NRG3: variants seen among roughly 807,000 people sequenced by gnomAD.
The protein encoded by NRG3 is pro-neuregulin-3, membrane-bound isoform.
In NRG3, 31 loss-of-function variants were observed where a neutral mutation model predicts 66.9. The observed-to-expected ratio is 0.46, with a 90% CI of 0.35 to 0.63. The LOEUF (loss-of-function observed/expected upper bound fraction) is 0.63, where lower values mean the gene tolerates loss of function less well. Ranked by LOEUF, NRG3 falls within the 20% of genes least tolerant of loss-of-function variation. The pLI is 0.00. For missense variants in NRG3, 910 were observed against 878.9 expected (o/e 1.04, Z -0.45); for synonymous variants, 393 against 359.4 (o/e 1.09, Z -1.06).
intron 3 of NRG3, among the ~76,000 whole-genome samples, chr10:82,779,601 C>G (rs2060038378): frequency 1.3e-5 from 2 of 152,046 alleles, no homozygotes; most frequent in South Asian, 4.1e-4. Flanking sequence ...TTGCTAATTC[C>G]TTGTGACATA....
chr10:82,020,616 A>C (rs2062016756), intron 1 of NRG3, among the ~76,000 whole-genome samples: 1 of 152,088 alleles, frequency 6.6e-6, no homozygotes, highest in Non-Finnish European at 1.5e-5. Context: ...ACTGGTTAAG[A>C]ATCATGGTTT....
chr10:82,402,955 AAGAT>A (rs2087218999), intron 2 of NRG3, among the ~76,000 whole-genome samples: 1 of 152,162 alleles, frequency 6.6e-6, no homozygotes, highest in South Asian at 2.1e-4. Flanking sequence ...TTTTTTTAAA[AAGAT>A]AGCTTACTCA....
intron 3 of NRG3, among the ~76,000 whole-genome samples, chr10:82,851,132 G>A (rs1010584031): frequency 3.9e-5 from 6 of 152,092 alleles, no homozygotes; most frequent in African/African-American, 1.2e-4. Flanking sequence ...AACTTAAGCT[G>A]TATTATTATT....
At chr10:82,906,001 C>T (rs1305098205) in intron 4 of NRG3, among the ~76,000 whole-genome samples, 1 of 152,172 alleles carries the variant, frequency 6.6e-6, no homozygotes, top group Non-Finnish European at 1.5e-5. Context: ...ACTAGATTAT[C>T]TTTACCAAAA....
intron 1 of NRG3, among the ~76,000 whole-genome samples, chr10:82,248,379 C>T (rs989560037): frequency 6.6e-6 from 1 of 152,130 alleles, no homozygotes; most frequent in Admixed American, 6.5e-5. Context: ...ACTGTGACTC[C>T]TCAGTTTTAG....
At chr10:82,004,000 C>CAA (rs2061278849) in intron 1 of NRG3, among the ~76,000 whole-genome samples, 1 of 144,844 alleles carries the variant, frequency 6.9e-6, no homozygotes, top group Admixed American at 6.8e-5. Flanking sequence ...CACACACACA[C>CAA]ACACACACAC....
intron 2 of NRG3, among the ~76,000 whole-genome samples, chr10:82,558,944 T>C (rs2044840831): frequency 6.6e-6 from 1 of 152,124 alleles, no homozygotes; most frequent in Admixed American, 6.6e-5. Context: ...CTTCTAAAAA[T>C]ATTAAATATA....
chr10:82,167,168 C>CT lies in NRG3; in HGVS notation c.824-191564dup, dbSNP rs550037205. 1.0e-3 allele frequency among the ~76,000 whole-genome samples: 153 copies of CT among 151,860 alleles called. 1 individual carries two copies. The highest frequency in any genetic ancestry group is 3.5e-3 in the African/African-American group (147 of 41,440). Reference sequence around the variant, plus strand: ...CTTCCTCATTGGTCTTATTTTTCTGCTTTTTTTGCATGCCTAGTAATTTTT... The same window carrying CT: ...CTTCCTCATTGGTCTTATTTTTCTGCTTTTTTTTGCATGCCTAGTAATTTTT... On this transcript the variant is annotated intron_variant, in intron 1 of 8. Transcript: ENST00000372141.
At chr10:82,296,147 C>T (rs936627688) in intron 1 of NRG3, among the ~76,000 whole-genome samples, 9 of 152,062 alleles carry the variant, frequency 5.9e-5, no homozygotes, top group African/African-American at 2.2e-4. Context: ...GAATATGACA[C>T]GTGAAGCAGT....
At chr10:82,574,323 G>A (rs942001336) in intron 2 of NRG3, among the ~76,000 whole-genome samples, 1 of 151,628 alleles carries the variant, frequency 6.6e-6, no homozygotes, top group African/African-American at 2.4e-5. Flanking sequence ...CTTATATGTG[G>A]GAGCTAAACA....
At chr10:82,741,070 TAAA>T (rs1565264063) in intron 3 of NRG3, among the ~76,000 whole-genome samples, 1 of 152,122 alleles carries the variant, frequency 6.6e-6, no homozygotes. Flanking sequence ...CCTTGAAATT[TAAA>T]AAGAAAGAAT....
intron 1 of NRG3, among the ~76,000 whole-genome samples, chr10:82,159,436 T>C (rs766596901): frequency 6.6e-5 from 10 of 151,860 alleles, no homozygotes; most frequent in Non-Finnish European, 1.2e-4. Flanking sequence ...TCCTTTTCTG[T>C]TGTTCCATCT....
chr10:81,951,157 A>T (rs983641024), intron 1 of NRG3, among the ~76,000 whole-genome samples: 13 of 152,158 alleles, frequency 8.5e-5, no homozygotes, highest in African/African-American at 3.1e-4. Flanking sequence ...TCTGATCTCC[A>T]TATGTAGGAG....
chr10:82,049,670 A>C (rs2063495782), intron 1 of NRG3, among the ~76,000 whole-genome samples: 1 of 151,944 alleles, frequency 6.6e-6, no homozygotes, highest in African/African-American at 2.4e-5. Context: ...TCCAAACCCC[A>C]TGTTTTTCAA....
chr10:82,816,457 A>G (rs1436575653), intron 3 of NRG3, among the ~76,000 whole-genome samples: 1 of 152,006 alleles, frequency 6.6e-6, no homozygotes, highest in Admixed American at 6.5e-5. Context: ...GGTTGTCCTG[A>G]TGTCTTTCTG....
intron 6 of NRG3, among the ~76,000 whole-genome samples, chr10:82,967,886 C>G (rs1851355098): frequency 6.6e-6 from 1 of 152,204 alleles, no homozygotes; most frequent in Admixed American, 6.5e-5. Context: ...CCTAAGACTA[C>G]AGACCCCAAC....
chr10:81,991,851 A>T (rs2060754811), intron 1 of NRG3, among the ~76,000 whole-genome samples: 1 of 152,144 alleles, frequency 6.6e-6, no homozygotes. Context: ...GTAGCTCTTT[A>T]TTCTCCAGAG....
At chr10:82,340,811 A>G (rs1300461896) in intron 1 of NRG3, 1 of 152,186 alleles carries the variant, frequency 6.6e-6, no homozygotes, top group African/African-American at 2.4e-5. Context: ...TGGGAACAAT[A>G]CAGAGAAAGT....
intron 1 of NRG3, among the ~76,000 whole-genome samples, chr10:81,973,566 A>C (rs1041963174): frequency 6.6e-6 from 1 of 152,118 alleles, no homozygotes; most frequent in Non-Finnish European, 1.5e-5. Context: ...CCTTGACAGC[A>C]TCTGTTATTT....
Sources: gnomAD v4.1 joint callset for allele counts (sites outside exome capture counted in the v4.1 genomes callset) on GRCh38, gnomAD v4.1.1 for gene constraint, MANE v1.5 for transcripts, NCBI Gene and HGNC (gene_info 2026-07-23, HGNC 2026-07-21) for gene names.